The following MOB3B variants were observed in gnomAD, a reference collection of about 807,000 sequenced individuals.
The protein encoded by MOB3B is MOB kinase activator 3B, also known as MOB kinase activator-like 2B.
MOB3B carries 7 observed loss-of-function variants against 18.7 expected under a neutral mutation model. The observed-to-expected ratio is 0.37, with a 90% CI of 0.21 to 0.70. The LOEUF is 0.70. Ranked by LOEUF, MOB3B falls within the 30% of genes least tolerant of loss-of-function variation. MOB3B has a pLI of 0.52. For synonymous variants in MOB3B, 111 were observed against 99.9 expected (o/e 1.11, Z -0.66); for missense variants, 253 against 281.3 (o/e 0.90, Z 0.72).
intron 3 of MOB3B, 139 bp from the exon 4 acceptor site, chr9:27,330,755 G>C (rs1820775304): frequency 7.1e-6 from 9 of 1,276,010 alleles, no homozygotes; most frequent in Non-Finnish European, 8.7e-6. Context: ...ATAAGGCTTA[G>C]CATGAGGGTA....
chr9:27,483,618 C>CA (rs762621257), intron 1 of MOB3B, among the ~76,000 whole-genome samples: 13 of 152,208 alleles, frequency 8.5e-5, no homozygotes, highest in Admixed American at 1.3e-4. Flanking sequence ...GACATACTTA[C>CA]AGTCAAATGA....
At chr9:27,437,375 T>C (rs1354114836) in intron 2 of MOB3B, among the ~76,000 whole-genome samples, 1 of 152,210 alleles carries the variant, frequency 6.6e-6, no homozygotes, top group Non-Finnish European at 1.5e-5. Context: ...GACTATTATA[T>C]AATTATAAAG....
chr9:27,456,964 C>T (rs948998782), intron 1 of MOB3B, among the ~76,000 whole-genome samples: 9 of 152,152 alleles, frequency 5.9e-5, no homozygotes, highest in Non-Finnish European at 7.3e-5. Flanking sequence ...TTGATCCTCA[C>T]GAAAATCTGC....
chr9:27,522,420 C>CAT (rs66472709), intron 1 of MOB3B, among the ~76,000 whole-genome samples: 3,465 of 141,304 alleles, frequency 0.025, 86 homozygotes, highest in African/African-American at 0.058. Context: ...GACATTTTTT[C>CAT]ATATATATAT....
chr9:27,446,190 C>T (rs1196541612), intron 2 of MOB3B, among the ~76,000 whole-genome samples: 31 of 151,852 alleles, frequency 2.0e-4, no homozygotes, highest in Admixed American at 2.0e-3. Flanking sequence ...AAGATGTTAG[C>T]CAAGTGACAA....
In MOB3B at chr9:27,366,024, C is replaced by A. The variant is rs144306757; in HGVS notation, c.419-6788G>T. 5.7e-4 allele frequency among the ~76,000 whole-genome samples: 87 copies of A among 152,266 alleles called. 1 individual carries two copies. The highest frequency in any genetic ancestry group is 2.0e-3 in the African/African-American group (83 of 41,538). On this transcript the variant is annotated intron_variant, in intron 2 of 3. Coordinates refer to ENST00000262244, the MANE Select transcript of MOB3B (RefSeq NM_024761.5). The stretch of plus-strand genomic sequence containing the variant: ...CAAAGCAAGACTAGAGTTTTCTGAG[C>A]AATTAGGCTAAGGAGGAGGCAGGCC...
chr9:27,390,785 A>G (rs1451284075), intron 2 of MOB3B, among the ~76,000 whole-genome samples: 1 of 152,168 alleles, frequency 6.6e-6, no homozygotes, highest in African/African-American at 2.4e-5. Flanking sequence ...CCCCAAGGTG[A>G]TATTAGGAGG....
chr9:27,360,478 C>T (rs1821258911), intron 2 of MOB3B, among the ~76,000 whole-genome samples: 1 of 152,226 alleles, frequency 6.6e-6, no homozygotes. Context: ...GCACTCCAGC[C>T]TTGGCGACAG....
At chr9:27,389,653 T>C (rs142112025) in intron 2 of MOB3B, among the ~76,000 whole-genome samples, 22 of 152,344 alleles carry the variant, frequency 1.4e-4, no homozygotes, top group Admixed American at 1.2e-3. Context: ...GTTCTTTCAC[T>C]AGTCCATTAG....
In MOB3B at chr9:27,378,509, C is replaced by T. The variant is rs1479030381; in HGVS notation, c.419-19273G>A. On this transcript the variant is annotated intron_variant, in intron 2 of 3. Transcript: ENST00000262244. The stretch of plus-strand genomic sequence containing the variant: ...GCAAGGGCAAAAGCCAGGGTTTAGT[C>T]CCAGAACTATTGGAACCAGGGGGCA... 1.7e-5 allele frequency: 8 copies of T among 470,986 alleles called. No homozygotes were observed. In the East Asian group the frequency reaches 2.8e-4, roughly 16 times the overall value. 29.2% of individuals were successfully genotyped at this position (470,986 alleles called of 1,614,324 possible). A position where few individuals can be genotyped will look rare whatever the true frequency, so the allele number is the denominator to read the frequency against.
chr9:27,411,419 G>A (rs1822065502), intron 2 of MOB3B, among the ~76,000 whole-genome samples: 1 of 152,238 alleles, frequency 6.6e-6, no homozygotes, highest in South Asian at 2.1e-4. Context: ...GGATTACAGT[G>A]TGAAGATCAG....
At chr9:27,444,197 AAG>A (rs1254016279) in intron 2 of MOB3B, among the ~76,000 whole-genome samples, 1 of 146,370 alleles carries the variant, frequency 6.8e-6, no homozygotes, top group African/African-American at 2.5e-5. Context: ...GAAAGAAAGA[AAG>A]AAAAAGAAAG....
intron 2 of MOB3B, among the ~76,000 whole-genome samples, chr9:27,367,527 C>G (rs1707578581): frequency 6.6e-6 from 1 of 152,198 alleles, no homozygotes; most frequent in Non-Finnish European, 1.5e-5. Flanking sequence ...TGCCCTTAAG[C>G]AACTTTGCTA....
rs566769390 is a variant in MOB3B, at chr9:27,406,526, G to C, written c.419-47290C>G. 1.3e-4 allele frequency among the ~76,000 whole-genome samples: 20 copies of C among 152,232 alleles called. No homozygotes were observed. In the East Asian group the frequency reaches 3.7e-3, roughly 28 times the overall value. ...CAGTAATTAAAACAGCATGATATTG[G>C]CATAAAAACAGACACATAGACCAAT... On this transcript the variant is annotated intron_variant, in intron 2 of 3. Transcript: ENST00000262244.
At chr9:27,493,744 G>T (rs575464383) in intron 1 of MOB3B, among the ~76,000 whole-genome samples, 1 of 152,158 alleles carries the variant, frequency 6.6e-6, no homozygotes, top group Non-Finnish European at 1.5e-5. Flanking sequence ...CAGCCGAGGA[G>T]GATGTATATC....
intron 1 of MOB3B, among the ~76,000 whole-genome samples, chr9:27,480,369 G>C (rs1220130507): frequency 6.6e-6 from 1 of 150,708 alleles, no homozygotes; most frequent in African/African-American, 2.4e-5. Flanking sequence ...ACGCGATCTC[G>C]GCTCACTGCA....
intron 1 of MOB3B, among the ~76,000 whole-genome samples, chr9:27,485,275 A>G (rs1169469964): frequency 2.0e-5 from 3 of 152,246 alleles, no homozygotes; most frequent in African/African-American, 7.2e-5. Flanking sequence ...AACTTACCCA[A>G]CAACAACCTG....
intron 2 of MOB3B, among the ~76,000 whole-genome samples, chr9:27,434,688 C>T (rs568718544): frequency 2.6e-5 from 4 of 152,182 alleles, no homozygotes; most frequent in South Asian, 2.1e-4. Context: ...CTGCTCAAGC[C>T]GGAAATTTAG....
At chr9:27,495,372 T>A (rs550786765) in intron 1 of MOB3B, among the ~76,000 whole-genome samples, 5 of 152,072 alleles carry the variant, frequency 3.3e-5, no homozygotes, top group African/African-American at 9.6e-5. Flanking sequence ...ATAAATTAAT[T>A]AATTAAATGA....
Sources: gnomAD v4.1 joint callset for allele counts (sites outside exome capture counted in the v4.1 genomes callset) on GRCh38, gnomAD v4.1.1 for gene constraint, MANE v1.5 for transcripts, NCBI Gene and HGNC (gene_info 2026-07-23, HGNC 2026-07-21) for gene names.